FGD5: variants seen among roughly 807,000 people sequenced by gnomAD.
FGD5 encodes FYVE, RhoGEF and PH domain containing 5, also known as FYVE, RhoGEF and PH domain-containing protein 5.
A neutral mutation model predicts 133.4 loss-of-function variants in FGD5; 28 were observed. The ratio of observed to expected loss-of-function variants is 0.21; its 90% CI spans 0.16 to 0.29. FGD5 has a LOEUF of 0.29. Among genes scored for constraint, FGD5 ranks in the 10% least tolerant of loss-of-function variants. The probability of loss-of-function intolerance (pLI) is 1.00; values close to 1 mark genes in which losing one functional copy is unlikely to be tolerated. For missense variants in FGD5, 1,858 were observed against 1,895.2 expected (o/e 0.98, Z 0.36); for synonymous variants, 810 against 776.5 (o/e 1.04, Z -0.72).
At chr3:14,897,483 G>A (rs1188347993) in intron 4 of FGD5, 26 bp from the exon 5 acceptor site, 3 of 1,593,490 alleles carry the variant, frequency 1.9e-6, no homozygotes, top group East Asian at 2.3e-5. Flanking sequence ...ATCAACCTGT[G>A]GGTAACAGAC....
chr3:14,850,877 T>C (rs1011382290), intron 1 of FGD5, among the ~76,000 whole-genome samples: 1 of 151,878 alleles, frequency 6.6e-6, no homozygotes, highest in African/African-American at 2.4e-5. Flanking sequence ...GGGGGATAGA[T>C]GGGAAACTGC....
intron 1 of FGD5, among the ~76,000 whole-genome samples, chr3:14,851,986 A>G (rs899835433): frequency 6.6e-6 from 1 of 152,090 alleles, no homozygotes; most frequent in East Asian, 1.9e-4. Flanking sequence ...TAGAACCCTC[A>G]TACACTCCTG....
intron 13 of FGD5, among the ~76,000 whole-genome samples, chr3:14,921,148 A>G (rs1299532934): frequency 8.5e-5 from 13 of 152,178 alleles, no homozygotes; most frequent in Non-Finnish European, 1.8e-4. Flanking sequence ...CAGACCCTTC[A>G]CACTTGAAGC....
At chr3:14,877,084 ACCCCCAGC>A (rs72005840) in intron 2 of FGD5, among the ~76,000 whole-genome samples, 2,512 of 152,278 alleles carry the variant, frequency 0.016, 71 homozygotes, top group African/African-American at 0.054. Flanking sequence ...GGGCCTTGGC[ACCCCCAGC>A]CCCCAAGCTC....
intron 1 of FGD5, among the ~76,000 whole-genome samples, chr3:14,849,432 G>A (rs6789614): frequency 0.51 from 77,309 of 152,012 alleles, 19,982 homozygotes; most frequent in African/African-American, 0.54. Context: ...TGGGCCATCT[G>A]CTTGTGGTTT....
intron 16 of FGD5, 61 bp from the exon 17 acceptor site, chr3:14,923,947 C>T: frequency 6.3e-7 from 1 of 1,598,914 alleles, no homozygotes; most frequent in Non-Finnish European, 8.5e-7. Flanking sequence ...AATCAGTGTT[C>T]CAAAGACAAG....
At chr3:14,821,894 G>C (rs893690716) in intron 1 of FGD5, among the ~76,000 whole-genome samples, 3 of 152,184 alleles carry the variant, frequency 2.0e-5, no homozygotes, top group African/African-American at 7.2e-5. Flanking sequence ...AAGGTCAAGA[G>C]ATCGAGACCA....
intron 1 of FGD5, among the ~76,000 whole-genome samples, chr3:14,836,032 T>C (rs958303254): frequency 1.3e-5 from 2 of 152,176 alleles, no homozygotes; most frequent in African/African-American, 4.8e-5. Flanking sequence ...CAGAGCGCTG[T>C]CCAGGATCAC....
At chr3:14,837,177 G>C (rs1280318693) in intron 1 of FGD5, among the ~76,000 whole-genome samples, 1 of 152,196 alleles carries the variant, frequency 6.6e-6, no homozygotes, top group East Asian at 1.9e-4. Flanking sequence ...CTGGGGCCCT[G>C]CGTGCCCTTG....
intron 1 of FGD5, among the ~76,000 whole-genome samples, chr3:14,858,678 G>C (rs2037337307): frequency 6.6e-6 from 1 of 152,172 alleles, no homozygotes; most frequent in African/African-American, 2.4e-5. Flanking sequence ...AGCCTTGCAG[G>C]CTTCCTTTGA....
chr3:14,829,338 G>A (rs895336323), intron 1 of FGD5, among the ~76,000 whole-genome samples: 4 of 152,280 alleles, frequency 2.6e-5, no homozygotes, highest in African/African-American at 9.6e-5. Flanking sequence ...ACGCCGTCGT[G>A]TGGGTGGTGC....
chr3:14,904,438 G>A (rs55796515), intron 9 of FGD5, among the ~76,000 whole-genome samples: 11,614 of 151,996 alleles, frequency 0.076, 594 homozygotes, highest in South Asian at 0.19. Flanking sequence ...TTCAGCTTTG[G>A]CTATTGGGAG....
intron 1 of FGD5, among the ~76,000 whole-genome samples, chr3:14,855,285 C>G (rs2037256304): frequency 6.6e-6 from 1 of 152,154 alleles, no homozygotes; most frequent in East Asian, 1.9e-4. Context: ...GATTCTGTAT[C>G]TCAGCTACTG....
At chr3:14,824,631 G>A (rs191549623) in intron 1 of FGD5, among the ~76,000 whole-genome samples, 1 of 152,308 alleles carries the variant, frequency 6.6e-6, no homozygotes, top group Admixed American at 6.5e-5. Context: ...GGTAAGGTTG[G>A]AGCAGTTGTG....
intron 2 of FGD5, among the ~76,000 whole-genome samples, chr3:14,866,636 C>T (rs77520753): frequency 0.093 from 14,189 of 152,150 alleles, 835 homozygotes; most frequent in East Asian, 0.31. Context: ...AGAATAGTTA[C>T]GAAGGTAAAT....
chr3:14,817,044 G>T (rs1559464787), upstream of FGD5, among the ~76,000 whole-genome samples: 1 of 152,188 alleles, frequency 6.6e-6, no homozygotes, highest in Admixed American at 6.5e-5. Context: ...CTAAATTGAA[G>T]TGTGCTGCAA....
At chr3:14,900,890 C>A (rs2125134999) in intron 8 of FGD5, 113 bp from the exon 9 acceptor site, 2 of 1,130,458 alleles carry the variant, frequency 1.8e-6, no homozygotes, top group East Asian at 2.4e-5. Context: ...CTGTCAAGGT[C>A]ACCTAGGCAG....
At chr3:14,900,168 G>A (rs1216343743) in intron 7 of FGD5, among the ~76,000 whole-genome samples, 10 of 152,240 alleles carry the variant, frequency 6.6e-5, no homozygotes, top group Non-Finnish European at 8.8e-5. Flanking sequence ...GTGCCAGGCA[G>A]GTGCTCAATG....
intron 2 of FGD5, among the ~76,000 whole-genome samples, chr3:14,878,931 A>G (rs2037773960): frequency 6.6e-6 from 1 of 151,896 alleles, no homozygotes; most frequent in Non-Finnish European, 1.5e-5. Flanking sequence ...CTGGTCTCGA[A>G]CTCTTAACCT....
Sources: gnomAD v4.1 joint callset for allele counts (sites outside exome capture counted in the v4.1 genomes callset) on GRCh38, gnomAD v4.1.1 for gene constraint, MANE v1.5 for transcripts, NCBI Gene and HGNC (gene_info 2026-07-23, HGNC 2026-07-21) for gene names.